The following ZNF260 variants were observed in gnomAD, a reference collection of about 807,000 sequenced individuals.
The protein encoded by ZNF260 is zinc finger protein 260.
Under a neutral mutation model 29.3 loss-of-function variants are expected in ZNF260, and 21 were observed. The observed-to-expected ratio is 0.72, with a 90% CI of 0.51 to 1.03. The LOEUF (loss-of-function observed/expected upper bound fraction) is 1.03, where lower values mean the gene tolerates loss of function less well. ZNF260 is among the 50% of genes least tolerant of loss of function. The probability of loss-of-function intolerance (pLI) is 0.00; values close to 1 mark genes in which losing one functional copy is unlikely to be tolerated. For missense variants in ZNF260, 465 were observed against 487.8 expected (o/e 0.95, Z 0.44); for synonymous variants, 156 against 156.8 (o/e 0.99, Z 0.04).
chr19:36,524,383 G>T (rs922057145), intron 2 of ZNF260, among the ~76,000 whole-genome samples: 1 of 151,834 alleles, frequency 6.6e-6, no homozygotes, highest in Non-Finnish European at 1.5e-5. Context: ...GTTTCACCGT[G>T]TTAGCCAGGA....
intron 2 of ZNF260, among the ~76,000 whole-genome samples, chr19:36,521,551 G>A (rs751729607): frequency 2.6e-5 from 4 of 151,982 alleles, no homozygotes; most frequent in Admixed American, 6.6e-5. Context: ...TCAGGAGTTC[G>A]AGACCAGTCT....
intron 2 of ZNF260, among the ~76,000 whole-genome samples, chr19:36,522,325 A>G (rs1276310807): frequency 3.3e-5 from 5 of 151,326 alleles, no homozygotes; most frequent in African/African-American, 1.2e-4. Context: ...GCGTGGTGAC[A>G]TGTTCCTGTA....
At position 36,527,365 on chromosome 19, in the gene ZNF260, T is replaced by C. The variant is rs182686093; in HGVS notation, c.-681+854A>G. The stretch of plus-strand genomic sequence containing the variant: ...TATTGAAAAATATGTTAAGAATAAG[T>C]GTGACAAGATACTTGAATATGTTGA... On this transcript the variant is annotated intron_variant, in intron 1 of 2. Coordinates refer to ENST00000523638, the MANE Select transcript of ZNF260 (RefSeq NM_001166037.2). Among the ~76,000 whole-genome samples, 21 of 152,306 alleles carry C rather than the reference T, an allele frequency of 1.4e-4. No individual in the cohort carries two copies. The East Asian group carries it at 3.7e-3, about 27-fold the overall frequency.
chr19:36,517,529 G>A (rs1248428470), intron 2 of ZNF260: 1 of 152,260 alleles, frequency 6.6e-6, no homozygotes, highest in Non-Finnish European at 1.5e-5. Context: ...CACAGATATT[G>A]ACAGATATGC....
rs763743850 is a variant in ZNF260 at position 36,514,045 on chromosome 19, G to A, written c.1194C>T (p.Ser398=). The A allele has an allele frequency of 1.2e-6, 2 of 1,613,880 alleles. No homozygotes were observed. Among genetic ancestry groups the A allele is most frequent in the Non-Finnish European group, 1.7e-6 (2 of 1,179,912 alleles). ...GGTGTCTAATGTGATGTGACTTTTG[G>A]CTGAAAGCTTTCCCACATTCACTAC... is the stretch of plus-strand genomic sequence containing the variant. The part of the protein sequence containing the change: ...YQCSECGKAF[S]QKSHHIRHQR... Residue 398 remains serine, a synonymous_variant, in exon 3 of 3, where the codon AGC becomes AGT. Coordinates refer to ENST00000523638, the MANE Select transcript of ZNF260 (RefSeq NM_001166037.2).
chr19:36,515,359 T>G lies in ZNF260; in HGVS notation c.-121A>C, dbSNP rs2034532751. The stretch of plus-strand genomic sequence containing the variant: ...TCAATATTAATTCTCAGGTATCTAA[T>G]GAAGTTAAATTTATGATGGAAGACT... On this transcript the variant is annotated 5_prime_UTR_variant, in exon 3 of 3. Transcript: ENST00000523638. 9.1e-7 allele frequency: 1 copy of G among 1,101,368 alleles called. No homozygotes were observed. Among genetic ancestry groups the G allele is most frequent in the Admixed American group, 3.2e-5 (1 of 30,916 alleles). The allele number at this position is 1,101,368 out of a possible 1,614,324, so 68.2% of individuals were successfully genotyped here.
At chr19:36,519,245 A>G (rs554045843) in intron 2 of ZNF260, among the ~76,000 whole-genome samples, 6 of 152,336 alleles carry the variant, frequency 3.9e-5, no homozygotes, top group Non-Finnish European at 8.8e-5. Context: ...CAAACAAAAC[A>G]AAGAAGCAAA....
chr19:36,511,030 C>A lies in ZNF260; in HGVS notation c.*2970G>T, dbSNP rs900419167. ...GGAACAGAAGAAGACAGTTTAGATT[C>A]ATGTACACATACATATATTTTATTT... On this transcript the variant is annotated 3_prime_UTR_variant, in exon 3 of 3. Transcript: ENST00000523638. 2 of 152,062 alleles carry A rather than the reference C, an allele frequency of 1.3e-5. No individual in the cohort carries two copies. Among genetic ancestry groups the A allele is most frequent in the African/African-American group, 4.8e-5 (2 of 41,420 alleles). The allele number at this position is 152,062 out of a possible 1,614,324, so 9.4% of individuals were successfully genotyped here.
rs61184857 is a variant in ZNF260 at position 36,524,517 on chromosome 19, G to GTTT, written c.-462+635_-462+637dup. ...TTTAAAGAAAATAACTTACATGCTA[G>GTTT]TTTTTTTTTTTTTTTTTATTGATCA... On this transcript the variant is annotated intron_variant, in intron 2 of 2. Coordinates refer to ENST00000523638, the MANE Select transcript of ZNF260 (RefSeq NM_001166037.2). Among the ~76,000 whole-genome samples, 13 of 90,974 alleles carry GTTT rather than the reference G, an allele frequency of 1.4e-4. 2 individuals carry two copies. Among genetic ancestry groups the GTTT allele is most frequent in the Non-Finnish European group, 1.9e-4 (8 of 42,984 alleles). The allele number at this position is 90,974 out of a possible 152,430, so 59.7% of individuals were successfully genotyped here. A position where few individuals can be genotyped will look rare whatever the true frequency, so the allele number is the denominator to read the frequency against.
Position 36,514,205 on chromosome 19 carries a change from G to T in ZNF260, c.1034C>A (p.Ser345Ter). The T allele has an allele frequency of 6.2e-7, 1 of 1,614,108 alleles. No homozygotes were observed. The highest frequency in any genetic ancestry group is 2.2e-5 in the East Asian group (1 of 44,872). The change falls in exon 3 of 3, where the codon TCA becomes TAA. Residue 345 changes from serine to a stop codon, truncating the protein, a stop_gained. Transcript: ENST00000523638. LOFTEE classifies it high-confidence loss of function. ...GCTTCTCATATGCACAGTAAGAGAT[G>T]AGCTTTGACAGAAGGCTTTCCCACA... The part of the protein sequence containing the change: ...KVCGKAFCQS[S>*]SLTVHMRSHT...
At chr19:36,524,787 G>A (rs1238733286) in intron 2 of ZNF260, among the ~76,000 whole-genome samples, 1 of 151,980 alleles carries the variant, frequency 6.6e-6, no homozygotes, top group Non-Finnish European at 1.5e-5. Context: ...AACGCATCTA[G>A]GCATACAGGG....
chr19:36,520,561 G>A (rs1430009660), intron 2 of ZNF260, among the ~76,000 whole-genome samples: 1 of 152,124 alleles, frequency 6.6e-6, no homozygotes, highest in Admixed American at 6.5e-5. Context: ...AACTTTAGAA[G>A]GCTAAGGCAG....
chr19:36,525,877 T>C (rs994699851), intron 1 of ZNF260, among the ~76,000 whole-genome samples: 2 of 151,778 alleles, frequency 1.3e-5, no homozygotes, highest in Non-Finnish European at 2.9e-5. Context: ...ACAGAGAAAC[T>C]ATGAGAGACT....
rs1031851643 is a variant in ZNF260, at chr19:36,512,563, T to C, written c.*1437A>G. On this transcript the variant is annotated 3_prime_UTR_variant, in exon 3 of 3. Transcript: ENST00000523638. ...CACTTTTGGGAACTGAGTATATACA[T>C]ATCCTTTCAATCCATTCTTTAGTTT... is the stretch of plus-strand genomic sequence containing the variant. The C allele has an allele frequency of 3.3e-5, 5 of 152,192 alleles. No individual in the cohort carries two copies. Among genetic ancestry groups the C allele is most frequent in the Admixed American group, 1.3e-4 (2 of 15,270 alleles). The allele number at this position is 152,192 out of a possible 1,614,324, so 9.4% of individuals were successfully genotyped here.
intron 2 of ZNF260, among the ~76,000 whole-genome samples, chr19:36,523,183 A>G (rs574502035): frequency 9.2e-4 from 140 of 152,252 alleles, no homozygotes; most frequent in Admixed American, 1.8e-3. Context: ...CTCAAACAAT[A>G]CTTCTCTTTC....
At chr19:36,524,534 T>TTTTTTTTTTTTTTTTTA (rs1555779912) in intron 2 of ZNF260, among the ~76,000 whole-genome samples, 2 of 126,052 alleles carry the variant, frequency 1.6e-5, no homozygotes, top group Non-Finnish European at 3.5e-5. Flanking sequence ...TTTTTTTTTT[T>TTTTTTTTTTTTTTTTTA]ATTGATCATT....
intron 2 of ZNF260, among the ~76,000 whole-genome samples, chr19:36,521,508 T>G (rs1751502465): frequency 6.6e-6 from 1 of 152,152 alleles, no homozygotes; most frequent in African/African-American, 2.4e-5. Flanking sequence ...ATCCCAGCAC[T>G]TGGGGAGGAT....
Position 36,513,851 on chromosome 19 carries a change from T to C in ZNF260, c.*149A>G. On this transcript the variant is annotated 3_prime_UTR_variant, in exon 3 of 3. Coordinates refer to ENST00000523638, the MANE Select transcript of ZNF260 (RefSeq NM_001166037.2). ...CGGGTTTTCTTTACACTATAATACT[T>C]ATTAAACATCATAGTATTTAAGTTT... is the stretch of plus-strand genomic sequence containing the variant. 6.1e-6 allele frequency: 5 copies of C among 824,330 alleles called. No homozygotes were observed. 51.1% of individuals were successfully genotyped at this position (824,330 alleles called of 1,614,324 possible). A position where few individuals can be genotyped will look rare whatever the true frequency, so the allele number is the denominator to read the frequency against.
chr19:36,518,144 C>T (rs1333036746), intron 2 of ZNF260: 2 of 151,916 alleles, frequency 1.3e-5, no homozygotes, highest in East Asian at 3.9e-4. Context: ...GAATTATTTT[C>T]TGAAAAAATG....
Sources: gnomAD v4.1 joint callset for allele counts (sites outside exome capture counted in the v4.1 genomes callset) on GRCh38, gnomAD v4.1.1 for gene constraint, MANE v1.5 for transcripts, NCBI Gene and HGNC (gene_info 2026-07-23, HGNC 2026-07-21) for gene names.